TCTN3: variants seen among roughly 807,000 people sequenced by gnomAD.
TCTN3 encodes the protein tectonic family member 3.
TCTN3 carries 57 observed loss-of-function variants against 71.3 expected under a neutral mutation model. The ratio of observed to expected loss-of-function variants is 0.80; its 90% CI spans 0.65 to 1.00. The LOEUF (loss-of-function observed/expected upper bound fraction) is 1.00. Ranked by LOEUF, TCTN3 falls within the 50% of genes least tolerant of loss-of-function variation. The pLI, the probability that TCTN3 is intolerant of heterozygous loss-of-function variation, is 0.00. For missense variants in TCTN3, 696 were observed against 719.9 expected, an observed-to-expected ratio of 0.97 and a Z score of 0.38; for synonymous variants, 258 against 267.8, an observed-to-expected ratio of 0.96 and a Z score of 0.36.
intron 12 of TCTN3, 50 bp from the exon 13 acceptor site, chr10:95,680,659 T>C (rs939009938): frequency 3.3e-5 from 52 of 1,594,102 alleles, no homozygotes; most frequent in Non-Finnish European, 4.0e-5. Context: ...TGGTTGCCTA[T>C]AGTCAATCAC....
chr10:95,684,698 T>C, intron 8 of TCTN3, 74 bp from the exon 9 acceptor site: 5 of 1,535,470 alleles, frequency 3.3e-6, no homozygotes, highest in Non-Finnish European at 4.4e-6. Context: ...AGATTTTCTG[T>C]CTTCAAGGGT....
intron 11 of TCTN3, 23 bp from the exon 12 acceptor site, chr10:95,682,827 C>G (rs1476002330): frequency 6.2e-7 from 1 of 1,608,840 alleles, no homozygotes; most frequent in East Asian, 2.2e-5. Flanking sequence ...ACCATGGAGG[C>G]TGCAGTCCAA....
In TCTN3 at chr10:95,681,110, C is replaced by T. The variant is rs1164360233; in HGVS notation, c.1453-501G>A. 1.3e-4 allele frequency among the ~76,000 whole-genome samples: 20 copies of T among 151,076 alleles called. No individual in the cohort carries two copies. The East Asian group carries it at 2.9e-3, about 22-fold the overall frequency. On this transcript the variant is annotated intron_variant, in intron 12 of 13. Transcript: ENST00000371217. ...TTTTTTTTTGAGATGGAGTCTCGCT[C>T]TGTTGCCCAGGCTGGAGTACAGTGG...
At chr10:95,679,360 G>A (rs1414869698) in intron 13 of TCTN3, among the ~76,000 whole-genome samples, 2 of 152,108 alleles carry the variant, frequency 1.3e-5, no homozygotes, top group Non-Finnish European at 2.9e-5. Context: ...CCTGAGTGTT[G>A]ACCCCATTTC....
chr10:95,688,925 G>GA (rs980580024), intron 3 of TCTN3, among the ~76,000 whole-genome samples: 32 of 152,280 alleles, frequency 2.1e-4, no homozygotes, highest in African/African-American at 7.5e-4. Context: ...AGAACATAGG[G>GA]AAACATGCCC....
intron 13 of TCTN3, among the ~76,000 whole-genome samples, chr10:95,675,062 G>A (rs1816333380): frequency 1.3e-5 from 2 of 152,146 alleles, no homozygotes; most frequent in South Asian, 2.1e-4. Context: ...GTGGTTAAAT[G>A]TCATGTATCA....
At chr10:95,685,730 T>C in intron 7 of TCTN3, 94 bp from the exon 8 acceptor site, 6 of 1,007,084 alleles carry the variant, frequency 6.0e-6, no homozygotes, top group Non-Finnish European at 8.8e-6. Context: ...GTATTTTTCC[T>C]TCCCCTTGAC....
At chr10:95,686,054 C>T (rs2097947989) in intron 7 of TCTN3, among the ~76,000 whole-genome samples, 1 of 152,114 alleles carries the variant, frequency 6.6e-6, no homozygotes. Context: ...TAGCAAGATC[C>T]CCATCTCTAC....
intron 12 of TCTN3, among the ~76,000 whole-genome samples, 200 bp from the exon 13 acceptor site, chr10:95,680,809 C>T (rs1773120892): frequency 7.0e-6 from 1 of 143,454 alleles, no homozygotes; most frequent in African/African-American, 2.6e-5. Context: ...GACGAAGTCT[C>T]GCACTGTCAC....
In TCTN3 at chr10:95,664,230, T is replaced by C; in HGVS notation, c.1661A>G (p.Gln554Arg). The change falls in exon 14 of 14, where the codon CAG becomes CGG. Residue 554 changes from glutamine to arginine, a missense_variant. Gln to Arg is a conservative substitution (Grantham distance 43). Coordinates refer to ENST00000371217, the MANE Select transcript of TCTN3 (RefSeq NM_015631.6). The part of the protein sequence containing the change: ...VNFVDITQKP[Q>R]PPRGQPKMDW... Reference sequence around the variant, plus strand: ...CATTTTGGGTTGGCCCCTTGGAGGCTGTGGCTTCTGGGTAATGTCCACAAA... The same window carrying C: ...CATTTTGGGTTGGCCCCTTGGAGGCCGTGGCTTCTGGGTAATGTCCACAAA... 1 of 1,614,214 alleles carries C rather than the reference T, an allele frequency of 6.2e-7. No individual in the cohort carries two copies. The highest frequency in any genetic ancestry group is 2.2e-5 in the East Asian group (1 of 44,882).
At chr10:95,683,225 T>C (rs1246976541) in intron 10 of TCTN3, 30 bp from the exon 11 acceptor site, 4 of 1,591,428 alleles carry the variant, frequency 2.5e-6, no homozygotes, top group South Asian at 1.1e-5. Flanking sequence ...ATCAAGGACA[T>C]CATAACAGAA....
chr10:95,674,187 CA>C (rs1003455862), intron 13 of TCTN3, among the ~76,000 whole-genome samples: 64 of 152,304 alleles, frequency 4.2e-4, no homozygotes, highest in African/African-American at 1.5e-3. Flanking sequence ...AAGTCCTCTT[CA>C]TGAACCATTT....
In TCTN3 at chr10:95,693,405, A is replaced by G. The variant is rs2139767244; in HGVS notation, c.328T>C (p.Tyr110His). The G allele has an allele frequency of 6.4e-7, 1 of 1,551,994 alleles. No individual in the cohort carries two copies. Among genetic ancestry groups the G allele is most frequent in the East Asian group, 2.4e-5 (1 of 40,924 alleles). ...DINCCCDRDC[Y>H]LLHPRTVFSF... ...AAAACTGTCCTCGGATGGAGAAGAT[A>G]GCAGTCCCTGTCGCAGCAGCAATTT... Residue 110 changes from tyrosine (Y) to histidine (H), a missense_variant, in exon 2 of 14, where the codon TAT (tyrosine) becomes CAT (histidine). Tyr to His is a moderately conservative substitution (Grantham distance 83). Transcript: ENST00000371217.
At chr10:95,670,055 C>G (rs1414675325) in intron 13 of TCTN3, among the ~76,000 whole-genome samples, 1 of 88,852 alleles carries the variant, frequency 1.1e-5, no homozygotes, top group Non-Finnish European at 2.4e-5. Context: ...CAGCGAGACT[C>G]CGTCTCAAAA....
intron 13 of TCTN3, among the ~76,000 whole-genome samples, chr10:95,672,509 G>A (rs981782251): frequency 6.6e-6 from 1 of 151,986 alleles, no homozygotes; most frequent in Non-Finnish European, 1.5e-5. Flanking sequence ...GAGAATTCCA[G>A]TTGTTCTACA....
At chr10:95,677,852 G>A (rs1269515329) in intron 13 of TCTN3, among the ~76,000 whole-genome samples, 1 of 152,164 alleles carries the variant, frequency 6.6e-6, no homozygotes, top group Non-Finnish European at 1.5e-5. Context: ...GAATATAATA[G>A]GGTTTATACT....
At chr10:95,672,160 T>TTGTGTGTGTGTGTGTGTTTG (rs10525130) in intron 13 of TCTN3, among the ~76,000 whole-genome samples, 3 of 139,568 alleles carry the variant, frequency 2.1e-5, no homozygotes, top group Non-Finnish European at 4.6e-5. Context: ...ATTATTATTA[T>TTGTGTGTGTGTGTGTGTTTG]TGTGTGTGTG....
chr10:95,676,499 C>T (rs1228955415), intron 13 of TCTN3, among the ~76,000 whole-genome samples: 2 of 152,066 alleles, frequency 1.3e-5, no homozygotes, highest in African/African-American at 4.8e-5. Context: ...GTCACCGCGC[C>T]CGGCCAGAAA....
chr10:95,678,084 A>AC (rs2097939194), intron 13 of TCTN3, among the ~76,000 whole-genome samples: 3 of 152,308 alleles, frequency 2.0e-5, no homozygotes, highest in African/African-American at 7.2e-5. Context: ...AATATTATAA[A>AC]CTACAAACTT....
Sources: allele counts gnomAD v4.1 joint callset (sites outside exome capture counted in the v4.1 genomes callset), GRCh38; gene constraint gnomAD v4.1.1; transcripts MANE v1.5; gene names NCBI Gene and HGNC (gene_info 2026-07-23, HGNC 2026-07-21).